The following NLRC4 variants were observed in gnomAD, a reference collection of about 807,000 sequenced individuals.
NLRC4 encodes NLR family CARD domain containing 4.
Under a neutral mutation model 79.9 loss-of-function variants are expected in NLRC4, and 63 were observed. That is an observed-to-expected ratio of 0.79 (90% CI 0.64 to 0.97). The LOEUF is 0.97. Ranked by LOEUF, NLRC4 falls within the 50% of genes least tolerant of loss-of-function variation. The pLI is 0.00. For synonymous variants in NLRC4, 461 were observed against 456.5 expected (o/e 1.01, Z -0.12); for missense variants, 1,074 against 1,215.2 (o/e 0.88, Z 1.73).
At chr2:32,225,034 C>CT (rs900733858) in intron 8 of NLRC4, among the ~76,000 whole-genome samples, 8 of 151,874 alleles carry the variant, frequency 5.3e-5, no homozygotes, top group African/African-American at 1.9e-4. Context: ...AAATGAATTA[C>CT]TTTTTTTTCC....
In NLRC4 at chr2:32,251,107, A is replaced by G. The variant is rs1160532583; in HGVS notation, c.757T>C (p.Phe253Leu). ...VLFLLDGYNE[F>L]KPQNCPEIEA... ...ATTTCTGGGCAGTTCTGGGGCTTGA[A>G]TTCATTGTAGCCATCAAGAAGGAAA... The change falls in exon 4 of 9, where the codon TTC (phenylalanine) becomes CTC (leucine). Residue 253 changes from phenylalanine to leucine, a missense_variant. By Grantham distance (22) the Phe-to-Leu change is conservative (BLOSUM62 0). Coordinates refer to ENST00000402280, the MANE Select transcript of NLRC4 (RefSeq NM_001199138.2). 1.2e-5 allele frequency: 20 copies of G among 1,614,018 alleles called. No individual in the cohort carries two copies. Among genetic ancestry groups the G allele is most frequent in the Non-Finnish European group, 1.5e-5 (18 of 1,180,022 alleles).
chr2:32,264,138 C>A (rs756949114), intron 1 of NLRC4, among the ~76,000 whole-genome samples: 2 of 151,974 alleles, frequency 1.3e-5, no homozygotes, highest in Non-Finnish European at 2.9e-5. Context: ...GTCTTAGCAA[C>A]AAGAGTGAGT....
intron 5 of NLRC4, among the ~76,000 whole-genome samples, chr2:32,239,094 A>C (rs990730660): frequency 6.6e-6 from 1 of 152,188 alleles, no homozygotes; most frequent in Admixed American, 6.5e-5. Flanking sequence ...CAGCCTGTCC[A>C]ACATGGCGGA....
At chr2:32,233,349 A>ATATATATATATATTTTT (rs1418146489) in intron 8 of NLRC4, among the ~76,000 whole-genome samples, 1 of 41,102 alleles carries the variant, frequency 2.4e-5, no homozygotes, top group Non-Finnish European at 4.4e-5. Context: ...ATATATATAT[A>ATATATATATATATTTTT]TTTTTTTTTT....
chr2:32,261,049 C>G (rs1687330933), intron 1 of NLRC4, among the ~76,000 whole-genome samples: 1 of 151,560 alleles, frequency 6.6e-6, no homozygotes, highest in Non-Finnish European at 1.5e-5. Flanking sequence ...AAAATTTAGC[C>G]AGGCGTGGTG....
intron 1 of NLRC4, among the ~76,000 whole-genome samples, chr2:32,261,316 C>CTTTTTTTTTTTTTTTTTTTTTTTTTTTTT (rs751434892): frequency 0.02 from 1,914 of 96,734 alleles, 569 homozygotes; most frequent in Non-Finnish European, 0.024. Flanking sequence ...AGCCTCCCCC[C>CTTTTTTTTTTTTTTTTTTTTTTTTTTTTT]TTTTGTTTTT....
intron 1 of NLRC4, among the ~76,000 whole-genome samples, chr2:32,261,462 C>T (rs1464566156): frequency 6.7e-6 from 1 of 149,884 alleles, no homozygotes; most frequent in Non-Finnish European, 1.5e-5. Context: ...CAGGTGCATG[C>T]CTCCTCACCC....
intron 1 of NLRC4, among the ~76,000 whole-genome samples, chr2:32,261,376 A>G (rs1243548427): frequency 1.6e-5 from 2 of 122,486 alleles, no homozygotes; most frequent in East Asian, 5.0e-4. Context: ...CAGTGGTGCG[A>G]CCTCAGCTCA....
intron 4 of NLRC4, among the ~76,000 whole-genome samples, chr2:32,245,091 C>T (rs1686900793): frequency 6.6e-6 from 1 of 151,854 alleles, no homozygotes; most frequent in Non-Finnish European, 1.5e-5. Flanking sequence ...GGGTGGATCA[C>T]TTGAGGTCTG....
Position 32,224,603 on chromosome 2 carries a change from G to T in NLRC4, c.2945C>A (p.Ala982Glu), listed in dbSNP as rs147896952. 5.6e-6 allele frequency: 9 copies of T among 1,613,708 alleles called. No individual in the cohort carries two copies. In the Admixed American group the frequency reaches 1.5e-4, roughly 27 times the overall value. Residue 982 changes from alanine (A) to glutamate (E), a missense_variant, in exon 9 of 9, where the codon GCA becomes GAA. By Grantham distance (107) the Ala-to-Glu change is moderately radical. Coordinates refer to ENST00000402280, the MANE Select transcript of NLRC4 (RefSeq NM_001199138.2). ...FSTKEFLPDP[A>E]LVRKLSQVLS... ...CACTTGGCTAAGTTTTCTGACTAAT[G>T]CTGGATCAGGTAGAAATTCTTTAGT...
intron 8 of NLRC4, among the ~76,000 whole-genome samples, chr2:32,227,793 C>A (rs1022045609): frequency 6.6e-6 from 1 of 152,132 alleles, no homozygotes; most frequent in Non-Finnish European, 1.5e-5. Flanking sequence ...TTCATTTAAT[C>A]TGCAGTGCTT....
chr2:32,253,542 A>G (rs1476276166), intron 2 of NLRC4, among the ~76,000 whole-genome samples: 1 of 152,182 alleles, frequency 6.6e-6, no homozygotes. Flanking sequence ...TCTGATATAA[A>G]GCAGTCCCCA....
intron 6 of NLRC4, among the ~76,000 whole-genome samples, chr2:32,237,840 C>A (rs1005033605): frequency 6.6e-6 from 1 of 152,086 alleles, no homozygotes; most frequent in Non-Finnish European, 1.5e-5. Flanking sequence ...AATTATATGA[C>A]CGGTTGTGTG....
chr2:32,234,678 G>A (rs146877653), intron 8 of NLRC4, among the ~76,000 whole-genome samples: 5 of 152,314 alleles, frequency 3.3e-5, no homozygotes, highest in Non-Finnish European at 7.4e-5. Flanking sequence ...GAGGTCTAAT[G>A]ATGAGGAAGT....
At chr2:32,253,213 G>A (rs192448351) in intron 2 of NLRC4, among the ~76,000 whole-genome samples, 1,866 of 151,380 alleles carry the variant, frequency 0.012, 27 homozygotes, top group Non-Finnish European at 0.016. Context: ...GCAGTGACGC[G>A]ATCTCGGCTC....
At chr2:32,233,137 GAAGGAAGGAAGGAAGGA>G (rs1686579581) in intron 8 of NLRC4, among the ~76,000 whole-genome samples, 1 of 4,714 alleles carries the variant, frequency 2.1e-4, no homozygotes, top group Admixed American at 1.7e-3. Context: ...GGGGAGGGAG[GAAGGAAGGAAGGAAGGA>G]AGGAAGGAAG....
In NLRC4 at chr2:32,245,820, C is replaced by T. The variant is rs146773785; in HGVS notation, c.2257+3787G>A. ...TAAGACATCTAAATGAGTTGATACA[C>T]GAAATTTGCTTCAATAATACCTGTA... On this transcript the variant is annotated intron_variant, in intron 4 of 8. Coordinates refer to ENST00000402280, the MANE Select transcript of NLRC4 (RefSeq NM_001199138.2). Among the ~76,000 whole-genome samples, 1,403 of 152,150 alleles carry T rather than the reference C, an allele frequency of 9.2e-3. 20 individuals are homozygous for T. Among genetic ancestry groups the T allele is most frequent in the African/African-American group, 0.032 (1,339 of 41,482 alleles).
intron 1 of NLRC4, among the ~76,000 whole-genome samples, chr2:32,261,953 C>T (rs540484926): frequency 9.0e-4 from 137 of 151,868 alleles, no homozygotes; most frequent in African/African-American, 2.9e-3. Context: ...TGGTGGCAGG[C>T]GCCTGTACTC....
At chr2:32,257,248 T>C in intron 1 of NLRC4, among the ~76,000 whole-genome samples, 1 of 151,666 alleles carries the variant, frequency 6.6e-6, no homozygotes, top group African/African-American at 2.4e-5. Flanking sequence ...CAGGAAAGAG[T>C]ATATGGACTG....
Sources: gnomAD v4.1 joint callset for allele counts (sites outside exome capture counted in the v4.1 genomes callset) on GRCh38, gnomAD v4.1.1 for gene constraint, MANE v1.5 for transcripts, NCBI Gene and HGNC (gene_info 2026-07-23, HGNC 2026-07-21) for gene names.